ADARB1: variants seen among roughly 807,000 people sequenced by gnomAD.
ADARB1 encodes adenosine deaminase RNA specific B1.
ADARB1 carries 10 observed loss-of-function variants against 52.4 expected under a neutral mutation model. The ratio of observed to expected loss-of-function variants is 0.19; its 90% CI spans 0.12 to 0.32. The LOEUF is 0.32. Ranked by LOEUF, ADARB1 falls within the 10% of genes least tolerant of loss-of-function variation. ADARB1 has a pLI of 1.00. For missense variants in ADARB1, 643 were observed against 922.3 expected, an observed-to-expected ratio of 0.70 and a Z score of 3.92; for synonymous variants, 349 against 371.1, an observed-to-expected ratio of 0.94 and a Z score of 0.68.
intron 9 of ADARB1, among the ~76,000 whole-genome samples, chr21:45,215,183 G>A (rs2092837852): frequency 6.6e-6 from 1 of 152,102 alleles, no homozygotes; most frequent in African/African-American, 2.4e-5. Context: ...GAGTAGCTGG[G>A]ACTACAGGTG....
intron 2 of ADARB1, chr21:45,145,702 G>A (rs914747305): frequency 6.6e-6 from 1 of 152,242 alleles, no homozygotes; most frequent in Non-Finnish European, 1.5e-5. Flanking sequence ...TGCCTTCATT[G>A]ACAAGATGGT....
At chr21:45,189,287 A>G (rs1001877758) in intron 8 of ADARB1, among the ~76,000 whole-genome samples, 1 of 152,270 alleles carries the variant, frequency 6.6e-6, no homozygotes, top group South Asian at 2.1e-4. Flanking sequence ...TACCATTGCA[A>G]TTACATAAGA....
chr21:45,136,670 A>G (rs1331138875), intron 2 of ADARB1, among the ~76,000 whole-genome samples: 1 of 152,270 alleles, frequency 6.6e-6, no homozygotes, highest in Non-Finnish European at 1.5e-5. Context: ...CTGCCCCACC[A>G]GCCAGCGGCT....
chr21:45,185,162 C>G (rs755708207), intron 8 of ADARB1, 71 bp downstream of exon 8: 417 of 1,536,568 alleles, frequency 2.7e-4, no homozygotes, highest in Non-Finnish European at 3.5e-4. Flanking sequence ...GCCAACCTCC[C>G]TTTTCCACAA....
intron 1 of ADARB1, among the ~76,000 whole-genome samples, chr21:45,121,704 G>A (rs1439817124): frequency 6.6e-6 from 1 of 152,114 alleles, no homozygotes; most frequent in Non-Finnish European, 1.5e-5. Context: ...CCTGTCCACT[G>A]AGCTTTTAGC....
In ADARB1 at chr21:45,093,253, C is replaced by T. The variant is rs146739778; in HGVS notation, c.-220+18460C>T. ...TGGGGTGCACTTTGGCTTTTCTCAC[C>T]AGTTCCCAGGGCAGCCTCGGGTAGG... On this transcript the variant is annotated intron_variant, in intron 1 of 10. Transcript: ENST00000348831. Among the ~76,000 whole-genome samples the T allele has an allele frequency of 4.3e-4, 65 of 152,308 alleles. 1 individual carries two copies. In the East Asian group the frequency reaches 0.011, roughly 26 times the overall value.
intron 2 of ADARB1, among the ~76,000 whole-genome samples, chr21:45,146,534 G>A (rs993036690): frequency 5.3e-5 from 8 of 152,310 alleles, no homozygotes; most frequent in South Asian, 4.1e-4. Context: ...GTGGCTTGGC[G>A]TCTTGGCCAC....
Position 45,176,219 on chromosome 21 carries a change from C to T in ADARB1, c.518C>T (p.Pro173Leu). 6.2e-7 allele frequency: 1 copy of T among 1,614,218 alleles called. No homozygotes were observed. The change falls in exon 4 of 11, where the codon CCT (proline) becomes CTT (leucine). Residue 173 changes from proline (P) to leucine (L), a missense_variant. Pro to Leu is a moderately conservative substitution (Grantham distance 98). Coordinates refer to ENST00000348831, the MANE Select transcript of ADARB1 (RefSeq NM_001112.4). This position sits in a 1 kb window ranked among gnomAD's most constrained non-coding sequence, Gnocchi z 5.8. Reference protein sequence around the residue: ...TDFTSDQADFPDTLFNGFETP... With the variant: ...TDFTSDQADFLDTLFNGFETP... ...TTCACATCTGACCAGGCCGACTTCC[C>T]TGACACGCTCTTCAATGGTTTTGAA...
chr21:45,184,828 T>C, intron 7 of ADARB1, 95 bp from the exon 8 acceptor site: 1 of 1,312,764 alleles, frequency 7.6e-7, no homozygotes, highest in Non-Finnish European at 1.1e-6. Context: ...GCACAGACTG[T>C]ATTTTAAATT....
chr21:45,113,387 T>C (rs547989080), intron 1 of ADARB1, among the ~76,000 whole-genome samples: 1 of 152,020 alleles, frequency 6.6e-6, no homozygotes, highest in Non-Finnish European at 1.5e-5. Context: ...CGTGCCACTG[T>C]ACTCCAGCCT....
chr21:45,203,848 G>A (rs752120595), intron 8 of ADARB1, among the ~76,000 whole-genome samples: 6 of 152,184 alleles, frequency 3.9e-5, no homozygotes, highest in African/African-American at 1.4e-4. Flanking sequence ...AAGACCCCCA[G>A]TAGACTCCTG....
At position 45,220,910 on chromosome 21, in the gene ADARB1, G is replaced by A. The variant is rs1010081989; in HGVS notation, c.1822G>A (p.Ala608Thr). 3.1e-5 allele frequency: 50 copies of A among 1,613,344 alleles called. No individual in the cohort carries two copies. Among genetic ancestry groups the A allele is most frequent in the African/African-American group, 6.7e-5 (5 of 74,942 alleles). The change falls in exon 10 of 11, where the codon GCT becomes ACT. Residue 608 changes from alanine to threonine, a missense_variant. Coordinates refer to ENST00000348831, the MANE Select transcript of ADARB1 (RefSeq NM_001112.4). The surrounding 1 kb of genome is among the most constrained non-coding windows in gnomAD (Gnocchi z 6.3). ...TGTCAACTGGACGGTAGGCGACTCC[G>A]CTATTGAGGTCATCAACGCCACGAC... ...FSVNWTVGDS[A>T]IEVINATTGK...
At position 45,183,584 on chromosome 21, in the gene ADARB1, A is replaced by G. The variant is rs561067736; in HGVS notation, c.1396+74A>G. On this transcript the variant is annotated intron_variant, in intron 7 of 10. Coordinates refer to ENST00000348831, the MANE Select transcript of ADARB1 (RefSeq NM_001112.4). ...CAGATAAAAACTAACCTGTGTTAAT[A>G]TCCCTTTTCCTTTTTTTCTTTTTAT... 4.6e-6 allele frequency: 7 copies of G among 1,515,020 alleles called. No homozygotes were observed. The East Asian group carries it at 1.6e-4, about 35-fold the overall frequency. 93.8% of individuals were successfully genotyped at this position (1,515,020 alleles called of 1,614,324 possible).
chr21:45,184,314 A>G (rs540010242), intron 7 of ADARB1, among the ~76,000 whole-genome samples: 1 of 152,234 alleles, frequency 6.6e-6, no homozygotes, highest in Non-Finnish European at 1.5e-5. Flanking sequence ...ATTTTGTCCT[A>G]TTTGCTTCAG....
chr21:45,124,137 C>T (rs574407398), intron 1 of ADARB1, among the ~76,000 whole-genome samples: 86 of 152,244 alleles, frequency 5.6e-4, no homozygotes, highest in African/African-American at 2.0e-3. Flanking sequence ...CATGTTTGAT[C>T]GCTTTAAAAA....
At chr21:45,120,252 A>C (rs753945902) in intron 1 of ADARB1, among the ~76,000 whole-genome samples, 1 of 152,206 alleles carries the variant, frequency 6.6e-6, no homozygotes, top group African/African-American at 2.4e-5. Context: ...CCTCTACCGC[A>C]CGGACAAGTT....
chr21:45,080,883 G>A (rs1367244006), intron 1 of ADARB1, among the ~76,000 whole-genome samples: 1 of 152,192 alleles, frequency 6.6e-6, no homozygotes, highest in Non-Finnish European at 1.5e-5. Context: ...GCATGTATAT[G>A]TTTATGTTCC....
In ADARB1 at chr21:45,220,132, GTCTTAA is replaced by G. The variant is rs1260511140; in HGVS notation, c.1748-699_1748-694del. On this transcript the variant is annotated intron_variant, in intron 9 of 10. Transcript: ENST00000348831. This position sits in a 1 kb window ranked among gnomAD's most constrained non-coding sequence, Gnocchi z 6.3. ...TGATAGGAGCGCTTTTCAAACAGAT[GTCTTAA>G]TCTTCTTAGTGCCTCAAACTAGATC... is the stretch of plus-strand genomic sequence containing the variant. Among the ~76,000 whole-genome samples the G allele has an allele frequency of 6.6e-6, 1 of 151,908 alleles. No homozygotes were observed. Among genetic ancestry groups the G allele is most frequent in the African/African-American group, 2.4e-5 (1 of 41,312 alleles).
chr21:45,177,419 G>A (rs1431783447), intron 4 of ADARB1: 1 of 152,236 alleles, frequency 6.6e-6, no homozygotes, highest in South Asian at 2.1e-4. Context: ...GTGAAATCAG[G>A]ATGAAGGAAG....
Sources: allele counts gnomAD v4.1 joint callset (sites outside exome capture counted in the v4.1 genomes callset), GRCh38; gene constraint gnomAD v4.1.1; non-coding constraint Gnocchi (gnomAD v3.1); transcripts MANE v1.5; gene names NCBI Gene and HGNC (gene_info 2026-07-23, HGNC 2026-07-21).